The following CDH13 variants were observed in gnomAD, a reference collection of about 807,000 sequenced individuals.
CDH13 encodes cadherin 13, also known as cadherin-13.
A neutral mutation model predicts 63.8 loss-of-function variants in CDH13; 24 were observed. That is an observed-to-expected ratio of 0.38 (90% CI 0.27 to 0.53). CDH13 has a LOEUF of 0.53. Among genes scored for constraint, CDH13 ranks in the 20% least tolerant of loss-of-function variants. The pLI, the probability that CDH13 is intolerant of heterozygous loss-of-function variation, is 0.85. For missense variants in CDH13, 1,049 were observed against 903.1 expected, an observed-to-expected ratio of 1.16 and a Z score of -2.07; for synonymous variants, 503 against 355.3, an observed-to-expected ratio of 1.42 and a Z score of -4.67.
chr16:83,419,774 C>T (rs1187188730), intron 6 of CDH13, among the ~76,000 whole-genome samples: 2 of 152,178 alleles, frequency 1.3e-5, no homozygotes, highest in African/African-American at 2.4e-5. Context: ...TTATAAAATG[C>T]ATTTTTCTCT....
chr16:82,767,914 C>T (rs924735881), intron 1 of CDH13, among the ~76,000 whole-genome samples: 4 of 152,120 alleles, frequency 2.6e-5, no homozygotes, highest in African/African-American at 9.7e-5. Flanking sequence ...CTTCACCCCA[C>T]GAGCCAAAAG....
intron 4 of CDH13, among the ~76,000 whole-genome samples, chr16:83,142,783 T>A (rs1329626196): frequency 6.6e-6 from 1 of 152,190 alleles, no homozygotes; most frequent in East Asian, 1.9e-4. Context: ...AAAGGCCAAC[T>A]CCAGTGGTCT....
chr16:82,672,606 A>G (rs1482949592), intron 1 of CDH13, among the ~76,000 whole-genome samples: 5 of 151,826 alleles, frequency 3.3e-5, no homozygotes, highest in Non-Finnish European at 7.4e-5. Flanking sequence ...CCACACCTCT[A>G]TCTAGGTGAT....
At chr16:83,629,512 CT>C (rs1321787549) in intron 8 of CDH13, among the ~76,000 whole-genome samples, 3 of 152,212 alleles carry the variant, frequency 2.0e-5, no homozygotes, top group African/African-American at 7.2e-5. Context: ...AGCATGCCAT[CT>C]CTCCACTTTA....
At chr16:82,747,243 G>A (rs930174901) in intron 1 of CDH13, among the ~76,000 whole-genome samples, 1 of 152,160 alleles carries the variant, frequency 6.6e-6, no homozygotes, top group Non-Finnish European at 1.5e-5. Flanking sequence ...CTGGGACCTG[G>A]TTAGAAATTC....
intron 1 of CDH13, among the ~76,000 whole-genome samples, chr16:82,777,957 C>G (rs1193681957): frequency 2.6e-5 from 4 of 152,146 alleles, no homozygotes; most frequent in Non-Finnish European, 5.9e-5. Flanking sequence ...GCCAGAGGGC[C>G]AAGAAAACAG....
chr16:82,699,420 C>T lies in CDH13; in HGVS notation c.45+72283C>T, dbSNP rs78072123. ...AGCCATCTCATTATGTTAATTTCAA[C>T]CCAGCCCAGACTGAGAGGAGGCTGA... On this transcript the variant is annotated intron_variant, in intron 1 of 13. Coordinates refer to ENST00000567109, the MANE Select transcript of CDH13 (RefSeq NM_001257.5). Among the ~76,000 whole-genome samples, 706 of 152,286 alleles carry T rather than the reference C, an allele frequency of 4.6e-3. 46 individuals carry two copies. The East Asian group carries it at 0.12, about 27-fold the overall frequency.
intron 5 of CDH13, among the ~76,000 whole-genome samples, chr16:83,236,707 T>C: frequency 6.6e-6 from 1 of 152,032 alleles, no homozygotes; most frequent in East Asian, 1.9e-4. Flanking sequence ...CAGTAATTCA[T>C]GAATGGATAA....
intron 2 of CDH13, among the ~76,000 whole-genome samples, chr16:83,002,241 A>G (rs1597388337): frequency 6.6e-6 from 1 of 152,230 alleles, no homozygotes; most frequent in Non-Finnish European, 1.5e-5. Flanking sequence ...CCCTAAATCC[A>G]TTGACATGTG....
chr16:82,627,525 C>T (rs1036716139), intron 1 of CDH13, among the ~76,000 whole-genome samples: 10 of 152,194 alleles, frequency 6.6e-5, no homozygotes, highest in Admixed American at 6.5e-4. Context: ...AGAGGCGACT[C>T]CAACGAGCCG....
chr16:83,294,290 T>A (rs961589667), intron 5 of CDH13, among the ~76,000 whole-genome samples: 4 of 152,328 alleles, frequency 2.6e-5, no homozygotes, highest in Middle Eastern at 3.4e-3. Context: ...AATATATTGT[T>A]ATTCATTGTA....
chr16:83,508,751 T>G (rs1401675105), intron 7 of CDH13, among the ~76,000 whole-genome samples: 1 of 152,230 alleles, frequency 6.6e-6, no homozygotes, highest in Non-Finnish European at 1.5e-5. Context: ...CTCCCTCACT[T>G]GTGCTTCTTA....
chr16:83,382,639 C>G (rs1158094832), intron 6 of CDH13, among the ~76,000 whole-genome samples: 1 of 152,156 alleles, frequency 6.6e-6, no homozygotes, highest in African/African-American at 2.4e-5. Flanking sequence ...GATGCAATGT[C>G]CAATCTCCAC....
In CDH13 at chr16:83,042,804, G is replaced by A. The variant is rs924055079; in HGVS notation, c.366+10586G>A. ...ATCTGTTGACTTGGGTGATTATATC[G>A]ATCCTGCTTACATGAAATATGTTTT... On this transcript the variant is annotated intron_variant, in intron 3 of 13. Transcript: ENST00000567109. Among the ~76,000 whole-genome samples, 4 of 152,162 alleles carry A rather than the reference G, an allele frequency of 2.6e-5. No individual in the cohort carries two copies. The East Asian group carries it at 7.7e-4, about 29-fold the overall frequency.
chr16:82,818,608 A>G (rs1355996534), intron 1 of CDH13, among the ~76,000 whole-genome samples: 1 of 152,192 alleles, frequency 6.6e-6, no homozygotes, highest in African/African-American at 2.4e-5. Context: ...ATTTAAAGTT[A>G]TGATAGCCAA....
intron 1 of CDH13, among the ~76,000 whole-genome samples, chr16:82,777,877 C>G (rs1191874511): frequency 1.3e-5 from 2 of 152,140 alleles, no homozygotes; most frequent in Non-Finnish European, 2.9e-5. Context: ...GCCTTTTGGA[C>G]AGCTCCAGAG....
intron 5 of CDH13, among the ~76,000 whole-genome samples, chr16:83,222,844 A>T (rs1250443140): frequency 4.6e-5 from 7 of 152,150 alleles, no homozygotes; most frequent in Non-Finnish European, 1.0e-4. Context: ...AAATACCCAC[A>T]TATGAAACTA....
At chr16:83,075,634 G>C (rs1018777972) in intron 3 of CDH13, among the ~76,000 whole-genome samples, 2 of 152,200 alleles carry the variant, frequency 1.3e-5, no homozygotes, top group Admixed American at 1.3e-4. Flanking sequence ...CGTTAGCACT[G>C]TATCTGTACT....
At chr16:83,071,325 C>T (rs868518495) in intron 3 of CDH13, among the ~76,000 whole-genome samples, 1 of 152,076 alleles carries the variant, frequency 6.6e-6, no homozygotes, top group Non-Finnish European at 1.5e-5. Context: ...CTTTCATGAT[C>T]CCCCTTTCTC....
Sources: gnomAD v4.1 joint callset for allele counts (sites outside exome capture counted in the v4.1 genomes callset) on GRCh38, gnomAD v4.1.1 for gene constraint, MANE v1.5 for transcripts, NCBI Gene and HGNC (gene_info 2026-07-23, HGNC 2026-07-21) for gene names.